RUNX1T1: variants seen among roughly 807,000 people sequenced by gnomAD.
RUNX1T1 encodes RUNX1 partner transcriptional co-repressor 1.
In RUNX1T1, 4 loss-of-function variants were observed where a neutral mutation model predicts 62.8. The ratio of observed to expected loss-of-function variants is 0.06; its 90% CI spans 0.03 to 0.15. The LOEUF (loss-of-function observed/expected upper bound fraction) is 0.15, where lower values mean the gene tolerates loss of function less well. Among genes scored for constraint, RUNX1T1 ranks in the 10% least tolerant of loss-of-function variants. RUNX1T1 has a pLI of 1.00. For synonymous variants in RUNX1T1, 291 were observed against 286.0 expected, an observed-to-expected ratio of 1.02 and a Z score of -0.18; for missense variants, 508 against 754.3, an observed-to-expected ratio of 0.67 and a Z score of 3.82.
At chr8:92,017,103 T>C in intron 2 of RUNX1T1, 123 bp downstream of exon 3, 1 of 702,136 alleles carries the variant, frequency 1.4e-6, no homozygotes, top group Non-Finnish European at 2.4e-6. Flanking sequence ...AATGATTTTT[T>C]TTGGTTCATT....
rs1183246276 is a variant in RUNX1T1 at position 91,959,457 on chromosome 8, TGTGTGTGTGTATATGTGC to T, written c.*767_*784del. On this transcript the variant is annotated 3_prime_UTR_variant, in exon 11 of 11. Transcript: ENST00000396218. ...GTGTGTGTGTGTGTGTGTGTGTGTG[TGTGTGTGTGTATATGTGC>T]GTGTGTGTGTGTGTATATATATATA... is the stretch of plus-strand genomic sequence containing the variant. 31 of 141,470 alleles carry T rather than the reference TGTGTGTGTGTATATGTGC, an allele frequency of 2.2e-4. 1 individual carries two copies. The highest frequency in any genetic ancestry group is 7.9e-4 in the African/African-American group (16 of 20,322). The allele number at this position is 141,470 out of a possible 1,614,324, so 8.8% of individuals were successfully genotyped here. A position where few individuals can be genotyped will look rare whatever the true frequency, so the allele number is the denominator to read the frequency against.
At chr8:92,002,112 C>T (rs950688119) in intron 5 of RUNX1T1, among the ~76,000 whole-genome samples, 9 of 152,052 alleles carry the variant, frequency 5.9e-5, no homozygotes, top group African/African-American at 1.7e-4. Flanking sequence ...CTATAAATGA[C>T]GTTTACATAT....
intron 1 of RUNX1T1, among the ~76,000 whole-genome samples, chr8:92,061,921 T>A (rs1469525443): frequency 6.6e-6 from 1 of 152,132 alleles, no homozygotes; most frequent in African/African-American, 2.4e-5. Context: ...CACTCCAGGC[T>A]CCAAAAATAA....
chr8:92,095,118 G>T, intron 1 of RUNX1T1: 1 of 1,535,594 alleles, frequency 6.5e-7, no homozygotes, highest in Non-Finnish European at 8.7e-7. Flanking sequence ...ACAACAAAAG[G>T]CAGATTTCTC....
intron 5 of RUNX1T1, among the ~76,000 whole-genome samples, chr8:91,996,212 C>CT (rs1189051450): frequency 3.3e-5 from 5 of 151,412 alleles, no homozygotes; most frequent in African/African-American, 1.2e-4. Context: ...TTTATTTTTA[C>CT]TTTTTTTGAG....
intron 1 of RUNX1T1, 124 bp from the exon 2 acceptor site, chr8:92,076,261 T>A: frequency 1.6e-6 from 1 of 633,852 alleles, no homozygotes; most frequent in African/African-American, 1.9e-5. Flanking sequence ...AAAAAACAGA[T>A]ACAAGCTCTT....
chr8:92,095,254 GGA>G, intron 1 of RUNX1T1: 1 of 1,523,202 alleles, frequency 6.6e-7, no homozygotes, highest in East Asian at 2.5e-5. Context: ...AGGGAGAGAG[GGA>G]GAGAGAAAAG....
chr8:92,075,391 AC>A (rs1241478139), intron 2 of RUNX1T1, among the ~76,000 whole-genome samples: 1 of 152,246 alleles, frequency 6.6e-6, no homozygotes, highest in Non-Finnish European at 1.5e-5. Context: ...AAATGGCAAT[AC>A]ATTTAGTTTA....
exon 8 of RUNX1T1, chr8:91,986,183 C>T: frequency 1.2e-6 from 2 of 1,614,100 alleles, no homozygotes; most frequent in Non-Finnish European, 1.7e-6. Context: ...GCTGCTACTG[C>T]CGCCACCTTT....
At chr8:92,071,837 G>C (rs561400469) in intron 2 of RUNX1T1, among the ~76,000 whole-genome samples, 1 of 152,198 alleles carries the variant, frequency 6.6e-6, no homozygotes, top group South Asian at 2.1e-4. Context: ...ATCAACTTCC[G>C]CAAGAACTGC....
chr8:92,087,572 A>G (rs1260207009), intron 1 of RUNX1T1, among the ~76,000 whole-genome samples: 1 of 152,126 alleles, frequency 6.6e-6, no homozygotes, highest in African/African-American at 2.4e-5. Context: ...TAACTGATCA[A>G]GCTCCACGAT....
chr8:92,057,248 T>A (rs1254471137), intron 1 of RUNX1T1, among the ~76,000 whole-genome samples: 1 of 152,172 alleles, frequency 6.6e-6, no homozygotes, highest in African/African-American at 2.4e-5. Context: ...CCTTTAAATG[T>A]TCCATCTAGC....
At chr8:92,038,050 A>C (rs987229571) in intron 1 of RUNX1T1, among the ~76,000 whole-genome samples, 49 of 151,224 alleles carry the variant, frequency 3.2e-4, no homozygotes, top group Admixed American at 1.6e-3. Context: ...ATTCTTCTTT[A>C]TTTATTTATT....
chr8:92,077,959 A>G (rs1834681455), intron 1 of RUNX1T1, among the ~76,000 whole-genome samples: 1 of 152,180 alleles, frequency 6.6e-6, no homozygotes, highest in Non-Finnish European at 1.5e-5. Context: ...ATACTGCTTT[A>G]CTTTTTAACT....
chr8:91,960,299 G>C, exon 11 of RUNX1T1: 1 of 1,610,512 alleles, frequency 6.2e-7, no homozygotes, highest in African/African-American at 1.3e-5. Context: ...ACCTCGGAGT[G>C]GCTGCTGGTG....
chr8:92,044,543 T>C (rs537550865), intron 1 of RUNX1T1, among the ~76,000 whole-genome samples: 45 of 152,326 alleles, frequency 3.0e-4, no homozygotes, highest in African/African-American at 7.9e-4. Flanking sequence ...GAGCAACCAC[T>C]AAACTCATGT....
intron 5 of RUNX1T1, among the ~76,000 whole-genome samples, chr8:91,997,114 G>C (rs568852281): frequency 7.2e-5 from 11 of 152,054 alleles, no homozygotes. Flanking sequence ...GTGACAGAGC[G>C]AGACTCCATC....
intron 1 of RUNX1T1, among the ~76,000 whole-genome samples, chr8:92,033,826 C>T (rs559991715): frequency 1.8e-4 from 27 of 152,034 alleles, no homozygotes; most frequent in African/African-American, 5.3e-4. Context: ...AAAAATTAGC[C>T]GGGTGTGGTG....
chr8:92,079,567 G>C (rs1427111519), intron 1 of RUNX1T1, among the ~76,000 whole-genome samples: 2 of 152,148 alleles, frequency 1.3e-5, no homozygotes, highest in Non-Finnish European at 2.9e-5. Flanking sequence ...CAGGTCATGT[G>C]AACTAAATGT....
Sources: allele counts gnomAD v4.1 joint callset (sites outside exome capture counted in the v4.1 genomes callset), GRCh38; gene constraint gnomAD v4.1.1; transcripts MANE v1.5; gene names NCBI Gene and HGNC (gene_info 2026-07-23, HGNC 2026-07-21).